Variants in DOCK5 observed in about 807,000 individuals in gnomAD.
DOCK5 encodes dedicator of cytokinesis 5, also known as dedicator of cytokinesis protein 5.
In DOCK5, 142 loss-of-function variants were observed where a neutral mutation model predicts 251.8. The observed-to-expected ratio is 0.56, with a 90% CI of 0.49 to 0.65. The LOEUF (loss-of-function observed/expected upper bound fraction) is 0.65, where lower values mean the gene tolerates loss of function less well. Among genes scored for constraint, DOCK5 ranks in the 30% least tolerant of loss-of-function variants. DOCK5 has a pLI of 0.00. For missense variants in DOCK5, 2,111 were observed against 2,312.3 expected, an observed-to-expected ratio of 0.91 and a Z score of 1.79; for synonymous variants, 842 against 835.5, an observed-to-expected ratio of 1.01 and a Z score of -0.13.
chr8:25,322,992 T>C (rs1383546704), intron 16 of DOCK5, among the ~76,000 whole-genome samples: 12 of 152,210 alleles, frequency 7.9e-5, no homozygotes, highest in Admixed American at 7.2e-4. Flanking sequence ...AATTGAGGTA[T>C]GATCATACAA....
chr8:25,390,378 A>AGG, intron 42 of DOCK5, 91 bp downstream of exon 42: 1 of 1,174,518 alleles, frequency 8.5e-7, no homozygotes. Flanking sequence ...AAGCTGAGGG[A>AGG]GGAGTATTGC....
chr8:25,281,804 G>A (rs547190387), intron 5 of DOCK5, among the ~76,000 whole-genome samples: 4 of 149,850 alleles, frequency 2.7e-5, no homozygotes, highest in South Asian at 2.1e-4. Context: ...ACTTGAACCC[G>A]AGAGGCGGAG....
chr8:25,411,983 C>T lies in DOCK5; in HGVS notation c.*685C>T, dbSNP rs925563627. On this transcript the variant is annotated 3_prime_UTR_variant, in exon 52 of 52. Transcript: ENST00000276440. ...TGTGGCACAGGAAAGCTGCCCTCTC[C>T]CTCTCCCACCACACTCCTGACTAAT... 6.6e-6 allele frequency: 1 copy of T among 152,048 alleles called. No individual in the cohort carries two copies. The highest frequency in any genetic ancestry group is 2.4e-5 in the African/African-American group (1 of 41,378). 9.4% of individuals were successfully genotyped at this position (152,048 alleles called of 1,614,324 possible).
At chr8:25,327,732 G>A (rs1477464820) in intron 18 of DOCK5, among the ~76,000 whole-genome samples, 3 of 152,104 alleles carry the variant, frequency 2.0e-5, no homozygotes, top group Non-Finnish European at 4.4e-5. Flanking sequence ...AATTAAAATT[G>A]GAGGGTGGGG....
intron 46 of DOCK5, 129 bp downstream of exon 46, chr8:25,400,123 C>T: frequency 2.9e-6 from 2 of 697,982 alleles, no homozygotes; most frequent in Non-Finnish European, 4.9e-6. Flanking sequence ...TGTGAAAGCA[C>T]CACCTATCTA....
At chr8:25,381,738 A>G (rs558585844) in intron 39 of DOCK5, among the ~76,000 whole-genome samples, 1 of 152,290 alleles carries the variant, frequency 6.6e-6, no homozygotes, top group African/African-American at 2.4e-5. Context: ...ACCTAGATAG[A>G]AGAGTAATGG....
chr8:25,269,708 G>A (rs1332143959), intron 3 of DOCK5, among the ~76,000 whole-genome samples: 2 of 152,162 alleles, frequency 1.3e-5, no homozygotes, highest in Admixed American at 6.5e-5. Flanking sequence ...TGCTCGCTGG[G>A]GCAGCATGAC....
intron 20 of DOCK5, among the ~76,000 whole-genome samples, chr8:25,333,848 G>A (rs1805738289): frequency 6.6e-6 from 1 of 152,104 alleles, no homozygotes; most frequent in Admixed American, 6.5e-5. Flanking sequence ...GCTCCCTGAG[G>A]CCAAGGATGC....
rs570017383 is a variant in DOCK5 at position 25,299,114 on chromosome 8, C to G, written c.764+13C>G. ...CCACTTTTATCAGGTAGCAGAGACC[C>G]ACATCCCCTGCTGCTGACCTAACAA... On this transcript the variant is annotated intron_variant, in intron 8 of 51. Transcript: ENST00000276440. 11 of 1,611,796 alleles carry G rather than the reference C, an allele frequency of 6.8e-6. 1 individual carries two copies. The South Asian group carries it at 1.1e-4, about 16-fold the overall frequency.
chr8:25,310,517 G>A lies in DOCK5; in HGVS notation c.1303G>A (p.Glu435Lys). ...AATAGCCCGGAAGATGGGCTTTCCT[G>A]AAATCATACTGCCAGGTAAGCACTT... ...TAIARKMGFP[E>K]IILPGDVRND... is the part of the protein sequence containing the mutation. Residue 435 changes from glutamate to lysine, a missense_variant, in exon 13 of 52, where the codon GAA becomes AAA. Around this residue, in one of 3 missense-constraint regions of DOCK5, gnomAD observed 1,717 missense variants for 1,892.4 expected, o/e 0.91. Coordinates refer to ENST00000276440, the MANE Select transcript of DOCK5 (RefSeq NM_024940.8). 6.2e-7 allele frequency: 1 copy of A among 1,611,300 alleles called. No individual in the cohort carries two copies. Among genetic ancestry groups the A allele is most frequent in the Non-Finnish European group, 8.5e-7 (1 of 1,178,872 alleles).
rs1349803137 is a variant in DOCK5 at position 25,300,597 on chromosome 8, G to A, written c.786G>A (p.Trp262Ter). ...CCAGTGAGAACTATCTAATTCGTTG[G>A]GGCAGTAACGGGATGCCCAAGGAAA... is the stretch of plus-strand genomic sequence containing the variant. ...TFISENYLIR[W>*]GSNGMPKEIE... Residue 262 changes from tryptophan (W) to a stop codon, truncating the protein, a stop_gained, in exon 9 of 52, where the codon TGG becomes TGA. Transcript: ENST00000276440. LOFTEE classifies it high-confidence loss of function. 1 of 1,613,106 alleles carries A rather than the reference G, an allele frequency of 6.2e-7. No individual in the cohort carries two copies. The highest frequency in any genetic ancestry group is 8.5e-7 in the Non-Finnish European group (1 of 1,179,518).
At chr8:25,216,121 ATGTATACAATATGTCTATACG>A (rs1166153371) in intron 1 of DOCK5, among the ~76,000 whole-genome samples, 1 of 151,700 alleles carries the variant, frequency 6.6e-6, no homozygotes, top group Non-Finnish European at 1.5e-5. Context: ...TACAATATGT[ATGTATACAATATGTCTATACG>A]TGTATACAAT....
intron 26 of DOCK5, among the ~76,000 whole-genome samples, chr8:25,346,706 C>T (rs2117241821): frequency 9.9e-6 from 1 of 100,632 alleles, no homozygotes; most frequent in East Asian, 3.3e-4. Flanking sequence ...CGCCTATAGT[C>T]CCAGCTACTC....
At chr8:25,257,334 C>T (rs556583181) in intron 2 of DOCK5, among the ~76,000 whole-genome samples, 3 of 152,096 alleles carry the variant, frequency 2.0e-5, no homozygotes, top group Non-Finnish European at 2.9e-5. Context: ...TATTGATGCT[C>T]TTTTAATCAA....
intron 1 of DOCK5, among the ~76,000 whole-genome samples, chr8:25,197,855 A>G (rs1474248575): frequency 6.8e-6 from 1 of 147,612 alleles, no homozygotes; most frequent in African/African-American, 2.5e-5. Context: ...GTTTCACGCC[A>G]TTCTCCTGCC....
intron 40 of DOCK5, among the ~76,000 whole-genome samples, chr8:25,385,687 G>T (rs1437101385): frequency 6.6e-6 from 1 of 152,158 alleles, no homozygotes; most frequent in Non-Finnish European, 1.5e-5. Flanking sequence ...TTATGTTCCA[G>T]CTTGGAGAGA....
At chr8:25,283,720 A>T (rs1804265009) in intron 5 of DOCK5, among the ~76,000 whole-genome samples, 1 of 152,256 alleles carries the variant, frequency 6.6e-6, no homozygotes, top group East Asian at 1.9e-4. Context: ...ATCTTAGGCA[A>T]AGTGGCCTTG....
In DOCK5 at chr8:25,223,633, A is replaced by G. The variant is rs567128047; in HGVS notation, c.44-20041A>G. Among the ~76,000 whole-genome samples the G allele has an allele frequency of 2.5e-3, 379 of 152,340 alleles. 1 individual carries two copies. Among genetic ancestry groups the G allele is most frequent in the Non-Finnish European group, 4.3e-3 (295 of 68,036 alleles). On this transcript the variant is annotated intron_variant, in intron 1 of 51. Transcript: ENST00000276440. ...TCTGGGACTGGCCGTGATTTTTAAT[A>G]CCACCAACAATGGGCATAAAAAATG...
intron 1 of DOCK5, among the ~76,000 whole-genome samples, chr8:25,204,859 T>G (rs1801963588): frequency 6.6e-6 from 1 of 152,094 alleles, no homozygotes; most frequent in Admixed American, 6.6e-5. Context: ...CCCAAAGTAT[T>G]TAAAGGAAGA....
Sources: allele counts gnomAD v4.1 joint callset (sites outside exome capture counted in the v4.1 genomes callset), GRCh38; gene constraint gnomAD v4.1.1; regional missense constraint gnomAD v4.1.1; transcripts MANE v1.5; gene names NCBI Gene and HGNC (gene_info 2026-07-23, HGNC 2026-07-21).